Variants in ERICH3 observed in about 807,000 individuals in gnomAD.
ERICH3 encodes the protein glutamate-rich protein 3.
Under a neutral mutation model 131.1 loss-of-function variants are expected in ERICH3, and 126 were observed. The ratio of observed to expected loss-of-function variants is 0.96; its 90% confidence interval spans 0.83 to 1.11. ERICH3 has a LOEUF of 1.11. Among genes scored for constraint, ERICH3 ranks in the 50% most tolerant of loss-of-function variants. The pLI, the probability that ERICH3 is intolerant of heterozygous loss-of-function variation, is 0.00. For missense variants in ERICH3, 2,050 were observed against 1,810.7 expected (o/e 1.13, Z -2.40); for synonymous variants, 695 against 644.6 (o/e 1.08, Z -1.18).
chr1:74,601,552 T>A (rs951376757), intron 10 of ERICH3, among the ~76,000 whole-genome samples: 5 of 151,864 alleles, frequency 3.3e-5, no homozygotes, highest in Non-Finnish European at 7.4e-5. Context: ...TGAAGTAGTG[T>A]CAAGTAAGCA....
At chr1:74,642,647 A>C (rs1357676549) in intron 4 of ERICH3, among the ~76,000 whole-genome samples, 4 of 152,150 alleles carry the variant, frequency 2.6e-5, no homozygotes, top group Non-Finnish European at 2.9e-5. Context: ...AAAATGTGTC[A>C]TTGTATCATT....
chr1:74,583,033 A>C (rs1366465688), intron 12 of ERICH3, among the ~76,000 whole-genome samples: 1 of 152,132 alleles, frequency 6.6e-6, no homozygotes, highest in East Asian at 1.9e-4. Context: ...CCTTTAAAAC[A>C]ATGTAAACGG....
At chr1:74,634,608 A>G in intron 6 of ERICH3, 1 of 703,436 alleles carries the variant, frequency 1.4e-6, no homozygotes, top group East Asian at 2.7e-5. Flanking sequence ...CTAATGAAAC[A>G]AAGTATTGAT....
In ERICH3 at chr1:74,673,715, G is replaced by T; in HGVS notation, c.-196C>A. The T allele has an allele frequency of 2.2e-6, 1 of 452,248 alleles. No individual in the cohort carries two copies. The highest frequency in any genetic ancestry group is 3.8e-6 in the Non-Finnish European group (1 of 261,046). The allele number at this position is 452,248 out of a possible 1,614,324, so 28.0% of individuals were successfully genotyped here. ...GCAGCCTCCCGGGCTCCCACCCTCC[G>T]TTGGTATCCACAGCTTCCCTGTTGC... On this transcript the variant is annotated 5_prime_UTR_variant, in exon 1 of 15. Coordinates refer to ENST00000326665, the MANE Select transcript of ERICH3 (RefSeq NM_001002912.5).
At chr1:74,640,670 C>A (rs913282781) in intron 5 of ERICH3, among the ~76,000 whole-genome samples, 5 of 152,092 alleles carry the variant, frequency 3.3e-5, no homozygotes, top group African/African-American at 1.2e-4. Flanking sequence ...CAAGCAAACA[C>A]CACTTTTAGA....
chr1:74,636,379 A>T lies in ERICH3; in HGVS notation c.504T>A (p.Pro168=), dbSNP rs749383058. The T allele has an allele frequency of 6.2e-6, 10 of 1,612,964 alleles. No individual in the cohort carries two copies. Among genetic ancestry groups the T allele is most frequent in the Non-Finnish European group, 5.9e-6 (7 of 1,179,234 alleles). ...GNMQPPIRLQ[P]LPSNPAVETV... ...TTTCTACTGCAGGATTACTGGGAAGAGGCTGTAATCGAATTGGAGGCTGCA... is the reference window on the plus strand; with the variant it reads ...TTTCTACTGCAGGATTACTGGGAAGTGGCTGTAATCGAATTGGAGGCTGCA... Residue 168 remains proline, a synonymous_variant, in exon 6 of 15, where the codon CCT becomes CCA. Coordinates refer to ENST00000326665, the MANE Select transcript of ERICH3 (RefSeq NM_001002912.5).
Position 74,572,273 on chromosome 1 carries a change from T to C in ERICH3, c.3437A>G (p.Glu1146Gly), listed in dbSNP as rs1318692341. ...AACCACTGTCTCTTTTAGTGAATCTTCTCCTAGAAGCCCTGGATTGTCAGA... is the reference window on the plus strand; with the variant it reads ...AACCACTGTCTCTTTTAGTGAATCTCCTCCTAGAAGCCCTGGATTGTCAGA... ...ELSDNPGLLGEDSLKETVVPI... is the reference protein window; with the variant it reads ...ELSDNPGLLGGDSLKETVVPI... Residue 1146 changes from glutamate (E) to glycine (G), a missense_variant, in exon 14 of 15, where the codon GAA becomes GGA. By Grantham distance (98) the Glu-to-Gly change is moderately conservative. Transcript: ENST00000326665. 1 of 1,614,042 alleles carries C rather than the reference T, an allele frequency of 6.2e-7. No homozygotes were observed. The highest frequency in any genetic ancestry group is 1.7e-5 in the Admixed American group (1 of 60,016).
intron 10 of ERICH3, among the ~76,000 whole-genome samples, chr1:74,605,220 C>A (rs756590128): frequency 6.6e-6 from 1 of 151,934 alleles, no homozygotes; most frequent in East Asian, 1.9e-4. Flanking sequence ...CCTCTCTCAG[C>A]CTTCATAGAA....
intron 1 of ERICH3, among the ~76,000 whole-genome samples, chr1:74,658,831 A>G (rs994855881): frequency 1.3e-5 from 2 of 152,134 alleles, no homozygotes; most frequent in African/African-American, 4.8e-5. Flanking sequence ...CAAGTTGTTT[A>G]CTCACTATTA....
intron 6 of ERICH3, among the ~76,000 whole-genome samples, chr1:74,632,928 T>C (rs529042595): frequency 1.3e-5 from 2 of 151,888 alleles, no homozygotes; most frequent in Admixed American, 6.6e-5. Flanking sequence ...TTGTCAGGTA[T>C]AAGTGAGTCA....
chr1:74,640,917 TG>T (rs1646432199), intron 5 of ERICH3, among the ~76,000 whole-genome samples: 1 of 152,088 alleles, frequency 6.6e-6, no homozygotes, highest in Non-Finnish European at 1.5e-5. Context: ...ATATGTATAG[TG>T]GTCCCATTTT....
chr1:74,659,176 G>A (rs553486274), intron 1 of ERICH3, among the ~76,000 whole-genome samples: 3 of 152,160 alleles, frequency 2.0e-5, no homozygotes, highest in Non-Finnish European at 4.4e-5. Context: ...AGGGGCAGGC[G>A]CGGGAACTTA....
rs1402478838 is a variant in ERICH3, at chr1:74,571,983, GCT to G, written c.3725_3726del (p.Glu1242AlafsTer17). ...CAGGAGTCGTGATCTTTGGCTGCTAGCTCCTCTGCCTGGCCTGTGGCTGGGAT... is the reference window on the plus strand; with the variant it reads ...CAGGAGTCGTGATCTTTGGCTGCTAGCCTCTGCCTGGCCTGTGGCTGGGAT... Reference protein sequence around the residue: ...GLIPATGQAEELAAKDHDSCA... With the variant: ...GLIPATGQAEXLAAKDHDSCA... On this transcript the variant is annotated frameshift_variant, in exon 14 of 15. Transcript: ENST00000326665. LOFTEE classifies it high-confidence loss of function. The G allele has an allele frequency of 6.2e-7, 1 of 1,614,008 alleles. No homozygotes were observed. The highest frequency in any genetic ancestry group is 1.7e-5 in the Admixed American group (1 of 60,026).
chr1:74,590,607 C>T (rs1647545780), intron 11 of ERICH3, among the ~76,000 whole-genome samples: 2 of 152,128 alleles, frequency 1.3e-5, no homozygotes, highest in Non-Finnish European at 2.9e-5. Context: ...GGAGATGGAC[C>T]TCAGGCAGTA....
At chr1:74,643,712 C>T (rs887984452) in intron 3 of ERICH3, among the ~76,000 whole-genome samples, 4 of 152,062 alleles carry the variant, frequency 2.6e-5, no homozygotes, top group South Asian at 4.1e-4. Context: ...CCAAGCCACC[C>T]TATTTTACAA....
At chr1:74,601,674 G>T (rs530903841) in intron 10 of ERICH3, among the ~76,000 whole-genome samples, 1 of 151,904 alleles carries the variant, frequency 6.6e-6, no homozygotes, top group South Asian at 2.1e-4. Flanking sequence ...CACTACAGGA[G>T]TTTGCTACTG....
rs769289942 is a variant in ERICH3, at chr1:74,599,792, C to A, written c.1629G>T (p.Glu543Asp). The A allele has an allele frequency of 1.9e-6, 3 of 1,612,508 alleles. No individual in the cohort carries two copies. Among genetic ancestry groups the A allele is most frequent in the Non-Finnish European group, 2.5e-6 (3 of 1,179,004 alleles). ...DKKDNLDPEK[E>D]SETSSQKAPD... Reference sequence around the variant, plus strand: ...GTGCCTTCTGTGATGAGGTTTCACTCTCTTTTTCAGGGTCTAAATTATCTT... The same window carrying A: ...GTGCCTTCTGTGATGAGGTTTCACTATCTTTTTCAGGGTCTAAATTATCTT... The change falls in exon 11 of 15, where the codon GAG becomes GAT. Residue 543 changes from glutamate to aspartate, a missense_variant. Coordinates refer to ENST00000326665, the MANE Select transcript of ERICH3 (RefSeq NM_001002912.5).
In ERICH3 at chr1:74,589,613, C is replaced by T; in HGVS notation, c.2176+18G>A. ...ATGCATGAGGATGATGGCAGCTCAACTCAACGGCCATACTTACCACCTTCC... is the reference window on the plus strand; with the variant it reads ...ATGCATGAGGATGATGGCAGCTCAATTCAACGGCCATACTTACCACCTTCC... On this transcript the variant is annotated intron_variant, in intron 12 of 14. Coordinates refer to ENST00000326665, the MANE Select transcript of ERICH3 (RefSeq NM_001002912.5). 6.2e-7 allele frequency: 1 copy of T among 1,609,174 alleles called. No individual in the cohort carries two copies. Among genetic ancestry groups the T allele is most frequent in the Non-Finnish European group, 8.5e-7 (1 of 1,176,678 alleles).
chr1:74,649,308 C>T lies in ERICH3; in HGVS notation c.31G>A (p.Ala11Thr). 6.2e-7 allele frequency: 1 copy of T among 1,609,928 alleles called. No individual in the cohort carries two copies. The highest frequency in any genetic ancestry group is 8.5e-7 in the Non-Finnish European group (1 of 1,178,012). The change falls in exon 2 of 15, where the codon GCT becomes ACT. Residue 11 changes from alanine to threonine, a missense_variant. Physicochemically the swap from Ala to Thr is moderately conservative, Grantham distance 58. Coordinates refer to ENST00000326665, the MANE Select transcript of ERICH3 (RefSeq NM_001002912.5). Reference protein sequence around the residue: MSHSHPAGLLAAYNSLMDKHL... With the variant: MSHSHPAGLLTAYNSLMDKHL... ...TTATCCATAAGGCTATTATATGCAG[C>T]AAGTAACCTAAAATACAAAAATAAA...
Sources: allele counts gnomAD v4.1 joint callset (sites outside exome capture counted in the v4.1 genomes callset), GRCh38; gene constraint gnomAD v4.1.1; transcripts MANE v1.5; gene names NCBI Gene and HGNC (gene_info 2026-07-23, HGNC 2026-07-21).